The following CBLB variants were observed in gnomAD, a reference collection of about 807,000 sequenced individuals.
CBLB encodes the protein Cbl proto-oncogene B.
A neutral mutation model predicts 104.9 loss-of-function variants in CBLB; 31 were observed. That is an observed-to-expected ratio of 0.30 (90% CI 0.22 to 0.40). CBLB has a LOEUF of 0.40. Among genes scored for constraint, CBLB ranks in the 10% least tolerant of loss-of-function variants. CBLB has a pLI of 1.00. For synonymous variants in CBLB, 440 were observed against 422.6 expected (o/e 1.04, Z -0.51); for missense variants, 1,062 against 1,214.6 (o/e 0.87, Z 1.87).
intron 2 of CBLB, among the ~76,000 whole-genome samples, chr3:105,858,879 G>C (rs931225004): frequency 1.3e-5 from 2 of 152,010 alleles, no homozygotes; most frequent in African/African-American, 4.8e-5. Context: ...AATATTTAAG[G>C]AGACTCTCTC....
At chr3:105,754,525 G>GAC (rs1553767667) in intron 4 of CBLB, among the ~76,000 whole-genome samples, 11 of 16,010 alleles carry the variant, frequency 6.9e-4, no homozygotes, top group South Asian at 1.6e-3. Context: ...GAGAGAGACA[G>GAC]AGAGAGAGAG....
upstream of CBLB, chr3:105,869,056 G>C: frequency 9.3e-7 from 1 of 1,081,034 alleles, no homozygotes; most frequent in Non-Finnish European, 1.1e-6. Flanking sequence ...TCGGGGCGGG[G>C]CGGGGCGGGG....
At chr3:105,684,316 T>A (rs1208913186) in intron 14 of CBLB, among the ~76,000 whole-genome samples, 1 of 152,218 alleles carries the variant, frequency 6.6e-6, no homozygotes, top group Non-Finnish European at 1.5e-5. Context: ...GTACCTCATA[T>A]ATTTCAGTCA....
intron 6 of CBLB, among the ~76,000 whole-genome samples, chr3:105,745,302 C>A (rs2075998522): frequency 6.6e-6 from 1 of 152,220 alleles, no homozygotes; most frequent in Admixed American, 6.5e-5. Context: ...GGTGTAATTT[C>A]TTGGCCAAAG....
intron 4 of CBLB, among the ~76,000 whole-genome samples, chr3:105,753,333 C>T (rs530907316): frequency 2.0e-5 from 3 of 149,996 alleles, no homozygotes; most frequent in South Asian, 2.2e-4. Context: ...AAGAAACACA[C>T]GTCAGGCTCT....
At chr3:105,663,949 T>TA (rs1379600291) in intron 18 of CBLB, among the ~76,000 whole-genome samples, 6 of 139,622 alleles carry the variant, frequency 4.3e-5, no homozygotes, top group African/African-American at 1.7e-4. Context: ...GCAGACCATA[T>TA]TTTTTTTTTT....
Position 105,681,531 on chromosome 3 carries a change from A to T in CBLB, c.2376T>A (p.Gly792=), listed in dbSNP as rs778677460. The T allele has an allele frequency of 5.3e-5, 86 of 1,613,982 alleles. No homozygotes were observed. The Admixed American group carries it at 5.8e-4, about 11-fold the overall frequency. ...RPPTRDNPKH[G]SSLNRTPSDY... is the part of the protein sequence containing the mutation. ...CAGAGGGCGTCCTGTTGAGTGAAGA[A>T]CCATGCTTTGGATTGTCCCGAGTTG... Residue 792 remains glycine, a synonymous_variant, in exon 16 of 19, where the codon GGT becomes GGA. Transcript: ENST00000394030.
intron 2 of CBLB, among the ~76,000 whole-genome samples, chr3:105,854,475 A>G (rs1468028273): frequency 6.6e-6 from 1 of 152,222 alleles, no homozygotes; most frequent in Non-Finnish European, 1.5e-5. Flanking sequence ...TTCAAATGAA[A>G]TAATTGAGAA....
chr3:105,667,379 T>G (rs1375284379), intron 18 of CBLB, among the ~76,000 whole-genome samples: 4 of 152,186 alleles, frequency 2.6e-5, no homozygotes, highest in Non-Finnish European at 5.9e-5. Flanking sequence ...CTGAGAAATT[T>G]GTAAAACCTC....
chr3:105,869,123 G>T (rs576596917), upstream of CBLB: 29 of 861,634 alleles, frequency 3.4e-5, no homozygotes, highest in South Asian at 4.5e-4. Context: ...CCGACAGCGG[G>T]TGCAGCCAAT....
rs532889187 is a variant in CBLB, at chr3:105,753,125, G to C, written c.567-1507C>G. Among the ~76,000 whole-genome samples the C allele has an allele frequency of 3.9e-5, 6 of 152,282 alleles. 1 individual carries two copies. The East Asian group carries it at 1.2e-3, about 29-fold the overall frequency. ...GGGCTGGAGGGATTCCAGAGAAGCA[G>C]TCTGTGGGAAGTGGCATAAATTAAT... is the stretch of plus-strand genomic sequence containing the variant. On this transcript the variant is annotated intron_variant, in intron 4 of 18. Transcript: ENST00000394030.
At chr3:105,687,372 A>AT (rs1260571857) in intron 13 of CBLB, among the ~76,000 whole-genome samples, 22 of 152,188 alleles carry the variant, frequency 1.4e-4, no homozygotes, top group African/African-American at 4.8e-4. Context: ...CTAATTTGAT[A>AT]TTTTACCTTC....
intron 2 of CBLB, among the ~76,000 whole-genome samples, chr3:105,854,438 C>T (rs1054911561): frequency 2.6e-5 from 4 of 152,150 alleles, no homozygotes; most frequent in Admixed American, 1.3e-4. Flanking sequence ...CCAGAAAGGG[C>T]ATAATCAACT....
At chr3:105,710,623 T>C (rs1049914107) in intron 10 of CBLB, among the ~76,000 whole-genome samples, 20 of 151,920 alleles carry the variant, frequency 1.3e-4, no homozygotes, top group African/African-American at 4.6e-4. Context: ...CCAGCCTTGA[T>C]TCCTTCCTGT....
At chr3:105,811,206 T>C (rs950917143) in intron 3 of CBLB, among the ~76,000 whole-genome samples, 7 of 152,210 alleles carry the variant, frequency 4.6e-5, no homozygotes, top group African/African-American at 1.7e-4. Flanking sequence ...TCCAAGTTGA[T>C]AGAACTAAAT....
At chr3:105,794,728 A>G (rs2082063451) in intron 3 of CBLB, among the ~76,000 whole-genome samples, 3 of 152,180 alleles carry the variant, frequency 2.0e-5, no homozygotes, top group Non-Finnish European at 4.4e-5. Context: ...TTATTAAATG[A>G]CTAAAAAATG....
intron 2 of CBLB, among the ~76,000 whole-genome samples, chr3:105,857,245 A>G (rs546783358): frequency 2.0e-5 from 3 of 152,234 alleles, no homozygotes; most frequent in African/African-American, 7.2e-5. Context: ...CTTTATCTGA[A>G]CTTTTTTCTC....
chr3:105,868,820 C>A lies in CBLB; in HGVS notation c.-99G>T. The stretch of plus-strand genomic sequence containing the variant: ...GCAGCCCAGTGTGTGTGGGGAGCCC[C>A]GGCTGGGAGTGGGATCGCTGAGAAC... On this transcript the variant is annotated 5_prime_UTR_variant, in exon 1 of 19. Transcript: ENST00000394030. 1 of 996,716 alleles carries A rather than the reference C, an allele frequency of 1.0e-6. No individual in the cohort carries two copies. Among genetic ancestry groups the A allele is most frequent in the Non-Finnish European group, 1.2e-6 (1 of 837,712 alleles). 61.7% of individuals were successfully genotyped at this position (996,716 alleles called of 1,614,324 possible).
chr3:105,749,395 G>C (rs1209129948), intron 5 of CBLB, among the ~76,000 whole-genome samples: 1 of 152,134 alleles, frequency 6.6e-6, no homozygotes, highest in Non-Finnish European at 1.5e-5. Flanking sequence ...CCATCCCAGT[G>C]AAAGTAAATA....
Sources: gnomAD v4.1 joint callset for allele counts (sites outside exome capture counted in the v4.1 genomes callset) on GRCh38, gnomAD v4.1.1 for gene constraint, MANE v1.5 for transcripts, NCBI Gene and HGNC (gene_info 2026-07-23, HGNC 2026-07-21) for gene names.